The following RBFOX1 variants were observed in gnomAD, a reference collection of about 807,000 sequenced individuals.
RBFOX1 encodes the protein RNA binding protein fox-1 homolog 1.
In RBFOX1, 8 loss-of-function variants were observed where a neutral mutation model predicts 57.7. The ratio of observed to expected loss-of-function variants is 0.14; its 90% CI spans 0.08 to 0.25. The LOEUF (loss-of-function observed/expected upper bound fraction) is 0.25. Among genes scored for constraint, RBFOX1 ranks in the 10% least tolerant of loss-of-function variants. The probability of loss-of-function intolerance (pLI) is 1.00; values close to 1 mark genes in which losing one functional copy is unlikely to be tolerated. For synonymous variants in RBFOX1, 326 were observed against 222.4 expected, an observed-to-expected ratio of 1.47 and a Z score of -4.15; for missense variants, 611 against 548.5, an observed-to-expected ratio of 1.11 and a Z score of -1.14.
At chr16:7,129,308 G>T (rs2069543778) in intron 4 of RBFOX1, among the ~76,000 whole-genome samples, 3 of 152,130 alleles carry the variant, frequency 2.0e-5, no homozygotes. Context: ...CATCGGTTTG[G>T]TTAGATTTGG....
intron 5 of RBFOX1, among the ~76,000 whole-genome samples, chr16:7,524,855 A>C (rs938021580): frequency 2.0e-5 from 3 of 152,220 alleles, no homozygotes; most frequent in African/African-American, 7.2e-5. Flanking sequence ...AAGCTGATGG[A>C]ATCACTAAGG....
intron 2 of RBFOX1, among the ~76,000 whole-genome samples, chr16:5,480,575 G>A: frequency 6.6e-6 from 1 of 152,208 alleles, no homozygotes; most frequent in East Asian, 1.9e-4. Context: ...CACCAGCCCA[G>A]CCTATTTTAG....
intron 4 of RBFOX1, among the ~76,000 whole-genome samples, chr16:7,352,752 G>T (rs1339377483): frequency 6.6e-6 from 1 of 152,086 alleles, no homozygotes; most frequent in Non-Finnish European, 1.5e-5. Flanking sequence ...GTCTCACTCT[G>T]TCACCAAAGC....
At chr16:6,805,293 A>T (rs1216668560) in intron 3 of RBFOX1, among the ~76,000 whole-genome samples, 1 of 152,212 alleles carries the variant, frequency 6.6e-6, no homozygotes, top group African/African-American at 2.4e-5. Flanking sequence ...CAGGAACAAA[A>T]AAACAAATAT....
chr16:6,579,878 C>T (rs879762578), intron 2 of RBFOX1, among the ~76,000 whole-genome samples: 3 of 152,022 alleles, frequency 2.0e-5, no homozygotes, highest in African/African-American at 7.3e-5. Context: ...GAGCCACTGC[C>T]GCCAGCCTTC....
chr16:7,001,201 A>G (rs564725830), intron 3 of RBFOX1, among the ~76,000 whole-genome samples: 3 of 152,162 alleles, frequency 2.0e-5, no homozygotes, highest in East Asian at 3.9e-4. Flanking sequence ...ATCATTCTAA[A>G]TGTCCATTCT....
chr16:7,123,315 A>G lies in RBFOX1; in HGVS notation c.27+71217A>G, dbSNP rs530127298. Among the ~76,000 whole-genome samples, 5 of 152,232 alleles carry G rather than the reference A, an allele frequency of 3.3e-5. No homozygotes were observed. The South Asian group carries it at 1.0e-3, about 32-fold the overall frequency. On this transcript the variant is annotated intron_variant, in intron 4 of 15. Coordinates refer to ENST00000550418, the MANE Select transcript of RBFOX1 (RefSeq NM_018723.4). ...TGGCAAACATTACACATTTAAAAAT[A>G]TTTGTGGATGGAATAAATGAAAAAG...
rs1413871908 is a variant in RBFOX1, at chr16:7,712,195, C to G, written c.*1450C>G. ...TACAAGTTAACTTAAGTTGGGGTAT[C>G]CGTCACGGGTCTTCCTGTTTTGTAT... On this transcript the variant is annotated 3_prime_UTR_variant, in exon 16 of 16. Transcript: ENST00000550418. 1 of 152,562 alleles carries G rather than the reference C, an allele frequency of 6.6e-6. No individual in the cohort carries two copies. The highest frequency in any genetic ancestry group is 2.4e-5 in the African/African-American group (1 of 41,418). 9.5% of individuals were successfully genotyped at this position (152,562 alleles called of 1,614,324 possible). A position where few individuals can be genotyped will look rare whatever the true frequency, so the allele number is the denominator to read the frequency against.
chr16:5,864,770 G>A (rs554433044), intron 3 of RBFOX1, among the ~76,000 whole-genome samples: 1 of 151,976 alleles, frequency 6.6e-6, no homozygotes, highest in South Asian at 2.1e-4. Flanking sequence ...TTTTTGTTTG[G>A]CTAGAACCGT....
chr16:7,247,903 G>C (rs1473879352), intron 4 of RBFOX1, among the ~76,000 whole-genome samples: 1 of 152,152 alleles, frequency 6.6e-6, no homozygotes, highest in African/African-American at 2.4e-5. Flanking sequence ...TGGAGGGTGG[G>C]AGTAGGGAGA....
intron 3 of RBFOX1, among the ~76,000 whole-genome samples, chr16:6,727,766 C>G (rs111290525): frequency 0.016 from 2,421 of 152,176 alleles, 39 homozygotes; most frequent in Middle Eastern, 0.031. Flanking sequence ...CAGTAGCATC[C>G]GTCCAGTATT....
chr16:5,325,573 C>T (rs574119981), intron 1 of RBFOX1, among the ~76,000 whole-genome samples: 1 of 152,152 alleles, frequency 6.6e-6, no homozygotes, highest in Non-Finnish European at 1.5e-5. Context: ...CAAACACTAC[C>T]CTGTGATAGC....
intron 2 of RBFOX1, among the ~76,000 whole-genome samples, chr16:6,326,367 G>A (rs2082370857): frequency 6.6e-6 from 1 of 152,176 alleles, no homozygotes; most frequent in Admixed American, 6.5e-5. Context: ...AATAATCCAT[G>A]TGAGATTAAC....
chr16:7,515,909 C>G (rs1359347629), intron 4 of RBFOX1, among the ~76,000 whole-genome samples: 3 of 152,056 alleles, frequency 2.0e-5, no homozygotes, highest in African/African-American at 7.2e-5. Flanking sequence ...CAGTGGTGCA[C>G]TCTCAGCTCA....
intron 4 of RBFOX1, among the ~76,000 whole-genome samples, chr16:5,999,654 G>A (rs1385392013): frequency 6.6e-6 from 1 of 152,084 alleles, no homozygotes; most frequent in Non-Finnish European, 1.5e-5. Context: ...GAGGTCAGGA[G>A]ATCGAGACCA....
chr16:6,125,965 G>T (rs1355360271), intron 1 of RBFOX1, among the ~76,000 whole-genome samples: 1 of 152,102 alleles, frequency 6.6e-6, no homozygotes, highest in African/African-American at 2.4e-5. Context: ...GGAATGGGGG[G>T]ATAGTCTTCC....
intron 5 of RBFOX1, among the ~76,000 whole-genome samples, chr16:7,554,326 A>G (rs1215127881): frequency 2.6e-5 from 4 of 152,178 alleles, no homozygotes; most frequent in African/African-American, 9.7e-5. Flanking sequence ...TCCATGCATT[A>G]TTTTATCCTT....
At chr16:7,138,449 C>G (rs1011784395) in intron 4 of RBFOX1, among the ~76,000 whole-genome samples, 1 of 152,114 alleles carries the variant, frequency 6.6e-6, no homozygotes, top group African/African-American at 2.4e-5. Flanking sequence ...CAAGGATGCT[C>G]AAAGCACCAG....
intron 3 of RBFOX1, among the ~76,000 whole-genome samples, chr16:6,892,026 T>C (rs1357113859): frequency 1.3e-5 from 2 of 152,232 alleles, no homozygotes; most frequent in African/African-American, 2.4e-5. Context: ...TGTTGCCTAC[T>C]TAGAATTTTC....
Sources: gnomAD v4.1 joint callset for allele counts (sites outside exome capture counted in the v4.1 genomes callset) on GRCh38, gnomAD v4.1.1 for gene constraint, MANE v1.5 for transcripts, NCBI Gene and HGNC (gene_info 2026-07-23, HGNC 2026-07-21) for gene names.